Variants in LRPAP1 observed in about 807,000 individuals in gnomAD.
LRPAP1 encodes alpha-2-macroglobulin receptor-associated protein.
LRPAP1 carries 41 observed loss-of-function variants against 39.9 expected under a neutral mutation model. The observed-to-expected ratio is 1.03, with a 90% confidence interval of 0.80 to 1.33. The LOEUF (loss-of-function observed/expected upper bound fraction) is 1.33, where lower values mean the gene tolerates loss of function less well. LRPAP1 is among the 40% of genes most tolerant of loss of function. LRPAP1 has a pLI of 0.00. For synonymous variants in LRPAP1, 263 were observed against 212.7 expected (o/e 1.24, Z -2.06); for missense variants, 565 against 482.3 (o/e 1.17, Z -1.61).
At chr4:3,516,220 G>T (rs925182861) in intron 5 of LRPAP1, 22 bp from the exon 6 acceptor site, 2 of 1,547,330 alleles carry the variant, frequency 1.3e-6, no homozygotes, top group Non-Finnish European at 1.8e-6. Context: ...GAGCAAGAGT[G>T]GCCTCAGCAG....
At chr4:3,517,334 G>A (rs1729743876) in intron 5 of LRPAP1, among the ~76,000 whole-genome samples, 1 of 152,266 alleles carries the variant, frequency 6.6e-6, no homozygotes, top group African/African-American at 2.4e-5. Context: ...ACAGAGACCA[G>A]CCCTGCTGTC....
At chr4:3,521,369 C>A (rs928029781) in intron 2 of LRPAP1, among the ~76,000 whole-genome samples, 1 of 152,212 alleles carries the variant, frequency 6.6e-6, no homozygotes, top group Non-Finnish European at 1.5e-5. Context: ...CGGACCCCAG[C>A]GCCTCCTCTG....
chr4:3,529,187 G>A (rs1029660326), intron 1 of LRPAP1, among the ~76,000 whole-genome samples: 1 of 152,022 alleles, frequency 6.6e-6, no homozygotes, highest in South Asian at 2.1e-4. Context: ...GCCAGGCATG[G>A]TGGTGCATGC....
Position 3,520,175 on chromosome 4 carries a change from C to T in LRPAP1, c.368G>A (p.Gly123Asp). ...RNLNVILAKY[G>D]LDGKKDARQV... ...CCGAGCGTCCTTCTTTCCGTCCAGA[C>T]CATACTTGGCCAAGATGACTAGGAG... Residue 123 changes from glycine (G) to aspartate (D), a missense_variant, in exon 3 of 8, where the codon GGT (glycine) becomes GAT (aspartate). Gly to Asp is a moderately conservative substitution (Grantham distance 94). Transcript: ENST00000650182. 1 of 1,614,020 alleles carries T rather than the reference C, an allele frequency of 6.2e-7. No individual in the cohort carries two copies. The highest frequency in any genetic ancestry group is 8.5e-7 in the Non-Finnish European group (1 of 1,179,946).
chr4:3,518,088 G>A lies in LRPAP1; in HGVS notation c.697C>T (p.Gln233Ter). Residue 233 changes from glutamine (Q) to a stop codon, truncating the protein, a stop_gained, in exon 5 of 8, where the codon CAG (glutamine) becomes TAG (stop). Coordinates refer to ENST00000650182, the MANE Select transcript of LRPAP1 (RefSeq NM_002337.4). LOFTEE classifies it high-confidence loss of function. ...ELKEKLRSIN[Q>*]GLDRLRRVSH... ...ACCCTGCGCAGGCGGTCCAGGCCCT[G>A]GTTGATGCTGCGCAGCTTCTCCTTC... 1 of 1,613,306 alleles carries A rather than the reference G, an allele frequency of 6.2e-7. No individual in the cohort carries two copies. Among genetic ancestry groups the A allele is most frequent in the Non-Finnish European group, 8.5e-7 (1 of 1,179,970 alleles).
At position 3,527,811 on chromosome 4, in the gene LRPAP1, A is replaced by AC. The variant is rs139115236; in HGVS notation, c.205-2761dup. Among the ~76,000 whole-genome samples, 244 of 152,092 alleles carry AC rather than the reference A, an allele frequency of 1.6e-3. 3 individuals are homozygous for AC. The highest frequency in any genetic ancestry group is 5.5e-3 in the African/African-American group (229 of 41,492). ...CTGGCAGGCTCACAGCCAGGCACCA[A>AC]CCCCTGTAACTTGCAGTCCTCACTG... On this transcript the variant is annotated intron_variant, in intron 1 of 7. Transcript: ENST00000650182.
At chr4:3,528,468 C>T (rs1051794546) in intron 1 of LRPAP1, among the ~76,000 whole-genome samples, 2 of 152,218 alleles carry the variant, frequency 1.3e-5, no homozygotes, top group African/African-American at 2.4e-5. Context: ...TGCTTCTCAA[C>T]GCCCCAGGAA....
At chr4:3,513,091 G>A (rs1384010741) in intron 7 of LRPAP1, 55 bp from the exon 8 acceptor site, 1 of 1,390,292 alleles carries the variant, frequency 7.2e-7, no homozygotes, top group African/African-American at 1.4e-5. Flanking sequence ...GGCCAGCTCT[G>A]TGAGCTCAGC....
chr4:3,523,673 T>A (rs2108693837), intron 2 of LRPAP1, among the ~76,000 whole-genome samples: 1 of 152,312 alleles, frequency 6.6e-6, no homozygotes, highest in Non-Finnish European at 1.5e-5. Context: ...TGTTAGAGCA[T>A]CAGGCCTAAC....
chr4:3,525,654 C>T (rs1794425), intron 1 of LRPAP1, among the ~76,000 whole-genome samples: 2,112 of 152,242 alleles, frequency 0.014, 18 homozygotes, highest in Middle Eastern at 0.024. Context: ...CGCCCCGGAA[C>T]GAGCTGCCGC....
In LRPAP1 at chr4:3,509,177, C is replaced by T. The variant is rs1466881520; in HGVS notation, c.*3797G>A. ...ATTGTTGGGAGAAGTTGAAGATGAA[C>T]TCAATACCTGGAGTCATACATGGCA... On this transcript the variant is annotated 3_prime_UTR_variant, in exon 8 of 8. Transcript: ENST00000650182. The T allele has an allele frequency of 6.6e-6, 1 of 152,318 alleles. No individual in the cohort carries two copies. The highest frequency in any genetic ancestry group is 2.4e-5 in the African/African-American group (1 of 41,474). 9.4% of individuals were successfully genotyped at this position (152,318 alleles called of 1,614,324 possible).
rs786205216 is a variant in LRPAP1 at position 3,532,213 on chromosome 4, TG to T, written c.199del (p.Gln67SerfsTer8). On this transcript the variant is annotated frameshift_variant, in exon 1 of 8. Coordinates refer to ENST00000650182, the MANE Select transcript of LRPAP1 (RefSeq NM_002337.4). LOFTEE classifies it high-confidence loss of function. ...EKLNQLWEKA[Q>X]RLHLPPVRLA... ...CCGACCGCGGGCCGCGCTCACTCGC[TG>T]GGCCTTCTCCCACAGCTGGTTCAAC... is the stretch of plus-strand genomic sequence containing the variant. The T allele has an allele frequency of 1.3e-6, 2 of 1,549,970 alleles. No homozygotes were observed. Among genetic ancestry groups the T allele is most frequent in the East Asian group, 4.9e-5 (2 of 40,864 alleles).
intron 7 of LRPAP1, among the ~76,000 whole-genome samples, chr4:3,514,124 C>T (rs1729620302): frequency 6.6e-6 from 1 of 152,272 alleles, no homozygotes. Flanking sequence ...AGGCTGCTCT[C>T]CTGCACATTC....
intron 2 of LRPAP1, among the ~76,000 whole-genome samples, chr4:3,520,492 CCT>C (rs779462877): frequency 5.3e-5 from 8 of 152,224 alleles, no homozygotes; most frequent in South Asian, 2.1e-4. Flanking sequence ...GCTGTGTCCC[CCT>C]GAGACGCAGC....
rs1729638502 is a variant in LRPAP1, at chr4:3,514,766, C to A, written c.997G>T (p.Glu333Ter). 6.2e-7 allele frequency: 1 copy of A among 1,609,596 alleles called. No individual in the cohort carries two copies. Among genetic ancestry groups the A allele is most frequent in the Admixed American group, 1.7e-5 (1 of 59,914 alleles). ...KHALLEGRTK[E>*]LGYTVKKHLQ... is the part of the protein sequence containing the mutation. Reference sequence around the variant, plus strand: ...CCCGTGCGCACCGTGTAGCCCAGCTCCTTGGTCCGCCCCTCCAGCAGGGCG... The same window carrying A: ...CCCGTGCGCACCGTGTAGCCCAGCTACTTGGTCCGCCCCTCCAGCAGGGCG... Residue 333 changes from glutamate to a stop codon, truncating the protein, a stop_gained, in exon 7 of 8, where the codon GAG becomes TAG. Coordinates refer to ENST00000650182, the MANE Select transcript of LRPAP1 (RefSeq NM_002337.4). LOFTEE classifies it high-confidence loss of function.
At chr4:3,526,606 A>C (rs1016304204) in intron 1 of LRPAP1, among the ~76,000 whole-genome samples, 12 of 152,284 alleles carry the variant, frequency 7.9e-5, no homozygotes, top group Non-Finnish European at 1.8e-4. Flanking sequence ...CCGAGACCTC[A>C]GGAGGCCCAG....
rs1170571584 is a variant in LRPAP1, at chr4:3,508,416, C to G, written c.*4558G>C. ...TCTCTATGAAACAAATAATGCCAATCCTATACAAACTATGGCAGAACTTGT... is the reference window on the plus strand; with the variant it reads ...TCTCTATGAAACAAATAATGCCAATGCTATACAAACTATGGCAGAACTTGT... On this transcript the variant is annotated 3_prime_UTR_variant, in exon 8 of 8. Transcript: ENST00000650182. 6.6e-6 allele frequency: 1 copy of G among 152,212 alleles called. No individual in the cohort carries two copies. Among genetic ancestry groups the G allele is most frequent in the Non-Finnish European group, 1.5e-5 (1 of 68,042 alleles). The allele number at this position is 152,212 out of a possible 1,614,324, so 9.4% of individuals were successfully genotyped here. A position where few individuals can be genotyped will look rare whatever the true frequency, so the allele number is the denominator to read the frequency against.
intron 1 of LRPAP1, among the ~76,000 whole-genome samples, chr4:3,528,424 C>T (rs1730144053): frequency 2.6e-5 from 4 of 152,220 alleles, no homozygotes; most frequent in African/African-American, 4.8e-5. Context: ...CGCGTGCCAG[C>T]AGAGCTTTCT....
rs1482481201 is a variant in LRPAP1, at chr4:3,503,879, G to A, written c.*9095C>T. ...GGGAATCTGACAAGCCAGGAAGGTAGAAACAAGGGAGAAGTGAGGGACCCA... is the reference window on the plus strand; with the variant it reads ...GGGAATCTGACAAGCCAGGAAGGTAAAAACAAGGGAGAAGTGAGGGACCCA... On this transcript the variant is annotated 3_prime_UTR_variant, in exon 8 of 8. Coordinates refer to ENST00000650182, the MANE Select transcript of LRPAP1 (RefSeq NM_002337.4). 1 of 152,312 alleles carries A rather than the reference G, an allele frequency of 6.6e-6. No individual in the cohort carries two copies. Among genetic ancestry groups the A allele is most frequent in the East Asian group, 1.9e-4 (1 of 5,198 alleles). The allele number at this position is 152,312 out of a possible 1,614,324, so 9.4% of individuals were successfully genotyped here. A position where few individuals can be genotyped will look rare whatever the true frequency, so the allele number is the denominator to read the frequency against.
Sources: allele counts gnomAD v4.1 joint callset (sites outside exome capture counted in the v4.1 genomes callset), GRCh38; gene constraint gnomAD v4.1.1; transcripts MANE v1.5; gene names NCBI Gene and HGNC (gene_info 2026-07-23, HGNC 2026-07-21).